The following AQR variants were observed in gnomAD, a reference collection of about 807,000 sequenced individuals.
AQR encodes the protein aquarius intron-binding spliceosomal factor, also known as RNA helicase aquarius.
AQR carries 61 observed loss-of-function variants against 180.5 expected under a neutral mutation model. The observed-to-expected ratio is 0.34, with a 90% CI of 0.28 to 0.42. The LOEUF is 0.42. Among genes scored for constraint, AQR ranks in the 10% least tolerant of loss-of-function variants. The pLI is 1.00. For synonymous variants in AQR, 551 were observed against 588.8 expected, an observed-to-expected ratio of 0.94 and a Z score of 0.93; for missense variants, 1,281 against 1,798.3, an observed-to-expected ratio of 0.71 and a Z score of 5.20.
chr15:34,936,398 T>C (rs1893944816), intron 9 of AQR, among the ~76,000 whole-genome samples: 1 of 152,160 alleles, frequency 6.6e-6, no homozygotes, highest in South Asian at 2.1e-4. Context: ...CTGACAAATT[T>C]TGATAAAAAC....
chr15:34,864,369 C>T (rs954385299), intron 32 of AQR, among the ~76,000 whole-genome samples: 6 of 152,128 alleles, frequency 3.9e-5, no homozygotes, highest in African/African-American at 1.2e-4. Context: ...AAAGGACATA[C>T]TCCTTTACAG....
At chr15:34,874,939 A>G in intron 28 of AQR, 75 bp from the exon 29 acceptor site, 1 of 1,353,738 alleles carries the variant, frequency 7.4e-7, no homozygotes. Context: ...CGAGAGACTC[A>G]GTCTTCATCA....
intron 9 of AQR, among the ~76,000 whole-genome samples, chr15:34,935,126 A>AT (rs905368326): frequency 3.3e-5 from 5 of 152,062 alleles, no homozygotes; most frequent in Non-Finnish European, 7.4e-5. Context: ...AATTTTTATT[A>AT]TTTTTTTCCA....
chr15:34,867,519 C>T lies in AQR; in HGVS notation c.3854+5G>A, dbSNP rs763412705. On this transcript the variant is annotated splice_donor_5th_base_variant and intron_variant, in intron 32 of 34. Transcript: ENST00000156471. ...TAAATATTATGAAAGTTTTTTCCTA[C>T]GTACCTCAGATGGCCCACTGCCCTG... 78 of 1,609,800 alleles carry T rather than the reference C, an allele frequency of 4.8e-5. No individual in the cohort carries two copies. The highest frequency in any genetic ancestry group is 3.3e-4 in the Middle Eastern group (2 of 6,050).
At chr15:34,911,044 T>C (rs1395243024) in intron 16 of AQR, among the ~76,000 whole-genome samples, 2 of 152,200 alleles carry the variant, frequency 1.3e-5, no homozygotes, top group Non-Finnish European at 2.9e-5. Context: ...TGTCTATCTG[T>C]ATCTGGCTTA....
At chr15:34,940,443 T>A (rs914162298) in intron 8 of AQR, among the ~76,000 whole-genome samples, 1 of 152,042 alleles carries the variant, frequency 6.6e-6, no homozygotes, top group Admixed American at 6.6e-5. Context: ...GCAAGAGAAA[T>A]CGCTTGAATC....
intron 15 of AQR, among the ~76,000 whole-genome samples, chr15:34,916,046 C>T (rs552743417): frequency 1.3e-5 from 2 of 152,124 alleles, no homozygotes; most frequent in African/African-American, 4.8e-5. Flanking sequence ...AGTACTCCTT[C>T]AAAGTATTTA....
chr15:34,893,566 C>A, intron 23 of AQR, 97 bp downstream of exon 23: 4 of 1,034,996 alleles, frequency 3.9e-6, no homozygotes, highest in South Asian at 1.5e-5. Context: ...TTACCTCCCC[C>A]TCAACCCCTA....
chr15:34,857,010 G>C lies in AQR; in HGVS notation c.4240C>G (p.Gln1414Glu), dbSNP rs760602707. ...LETEEEAMTV[Q>E]ADIIPSPTDT... is the part of the protein sequence containing the mutation. ...GTTGGACTGGGTATGATGTCAGCTT[G>C]AACAGTCATGGCCTCTTCTTCTGTT... The change falls in exon 35 of 35, where the codon CAA (glutamine) becomes GAA (glutamate). Residue 1414 changes from glutamine (Q) to glutamate (E), a missense_variant. Physicochemically the swap from Gln to Glu is conservative, Grantham distance 29. Coordinates refer to ENST00000156471, the MANE Select transcript of AQR (RefSeq NM_014691.3). The C allele has an allele frequency of 1.5e-5, 25 of 1,613,888 alleles. No individual in the cohort carries two copies. The African/African-American group carries it at 3.1e-4, about 20-fold the overall frequency.
At position 34,934,615 on chromosome 15, in the gene AQR, C is replaced by T; in HGVS notation, c.739G>A (p.Val247Ile). 1 of 1,584,232 alleles carries T rather than the reference C, an allele frequency of 6.3e-7. No individual in the cohort carries two copies. Among genetic ancestry groups the T allele is most frequent in the Non-Finnish European group, 8.6e-7 (1 of 1,168,354 alleles). ...TCAATGAATCTTTCACAGTAATGAACTTTGTCCATAGTGACAGGTTCTAGA... is the reference window on the plus strand; with the variant it reads ...TCAATGAATCTTTCACAGTAATGAATTTTGTCCATAGTGACAGGTTCTAGA... ...PLSEPVTMDK[V>I]HYCERFIELM... The change falls in exon 10 of 35, where the codon GTT (valine) becomes ATT (isoleucine). Residue 247 changes from valine (V) to isoleucine (I), a missense_variant. By Grantham distance (29) the Val-to-Ile change is conservative. This residue lies in a region of AQR where 404 missense variants were observed against 490.9 expected (regional missense o/e 0.82). Coordinates refer to ENST00000156471, the MANE Select transcript of AQR (RefSeq NM_014691.3).
At position 34,931,531 on chromosome 15, in the gene AQR, G is replaced by A. The variant is rs975878377; in HGVS notation, c.900+787C>T. On this transcript the variant is annotated intron_variant, in intron 11 of 34. Coordinates refer to ENST00000156471, the MANE Select transcript of AQR (RefSeq NM_014691.3). ...TTGTTAAAAATGATTTCTCCTGCTG[G>A]GTGCAGTGGTTCACGCCTGTAATCC... Among the ~76,000 whole-genome samples the A allele has an allele frequency of 4.6e-5, 7 of 152,214 alleles. 1 individual carries two copies. Among genetic ancestry groups the A allele is most frequent in the Admixed American group, 1.3e-4 (2 of 15,288 alleles).
At chr15:34,933,459 CTTTT>C (rs34956409) in intron 10 of AQR, among the ~76,000 whole-genome samples, 7 of 148,720 alleles carry the variant, frequency 4.7e-5, no homozygotes, top group African/African-American at 1.7e-4. Flanking sequence ...AGTATGAAAT[CTTTT>C]TTTTTTTTTA....
At position 34,856,302 on chromosome 15, in the gene AQR, C is replaced by T. The variant is rs1451326454; in HGVS notation, c.*490G>A. The T allele has an allele frequency of 5.5e-6, 2 of 365,028 alleles. No individual in the cohort carries two copies. Among genetic ancestry groups the T allele is most frequent in the Admixed American group, 4.6e-5 (1 of 21,800 alleles). 22.6% of individuals were successfully genotyped at this position (365,028 alleles called of 1,614,324 possible). A position where few individuals can be genotyped will look rare whatever the true frequency, so the allele number is the denominator to read the frequency against. The stretch of plus-strand genomic sequence containing the variant: ...AACCACTTTGATAGATTGAAGAAAC[C>T]TGTATCTTACTGCTAATAATATCTT... On this transcript the variant is annotated 3_prime_UTR_variant, in exon 35 of 35. Transcript: ENST00000156471.
At chr15:34,865,371 C>G (rs1892726622) in intron 32 of AQR, among the ~76,000 whole-genome samples, 1 of 152,156 alleles carries the variant, frequency 6.6e-6, no homozygotes, top group Non-Finnish European at 1.5e-5. Flanking sequence ...TACTAAACAG[C>G]TCCACATTGT....
chr15:34,877,897 A>G (rs1222792982), intron 27 of AQR, among the ~76,000 whole-genome samples: 2 of 152,176 alleles, frequency 1.3e-5, no homozygotes, highest in Non-Finnish European at 2.9e-5. Context: ...GGATTCCTAA[A>G]TTCTACAGCC....
At chr15:34,910,570 T>C (rs1238816332) in intron 16 of AQR, among the ~76,000 whole-genome samples, 1 of 152,054 alleles carries the variant, frequency 6.6e-6, no homozygotes, top group African/African-American at 2.4e-5. Context: ...AGTAGAGGAA[T>C]ATCTCCTCTC....
chr15:34,870,710 C>A, intron 31 of AQR, 42 bp downstream of exon 31: 1 of 1,552,336 alleles, frequency 6.4e-7, no homozygotes, highest in Non-Finnish European at 8.7e-7. Flanking sequence ...TCCATCTTGC[C>A]AAAATGATGA....
chr15:34,956,577 A>C (rs1894319971), intron 3 of AQR, among the ~76,000 whole-genome samples: 1 of 151,440 alleles, frequency 6.6e-6, no homozygotes, highest in African/African-American at 2.4e-5. Context: ...GCTGGAACCC[A>C]GGAGGCGGAG....
At chr15:34,860,644 A>G (rs527667277) in intron 33 of AQR, among the ~76,000 whole-genome samples, 3 of 152,350 alleles carry the variant, frequency 2.0e-5, no homozygotes, top group Admixed American at 6.5e-5. Flanking sequence ...GTATGCTCCA[A>G]AGACAGTTCT....
Sources: allele counts gnomAD v4.1 joint callset (sites outside exome capture counted in the v4.1 genomes callset), GRCh38; gene constraint gnomAD v4.1.1; regional missense constraint gnomAD v4.1.1; transcripts MANE v1.5; gene names NCBI Gene and HGNC (gene_info 2026-07-23, HGNC 2026-07-21).